Variants in GLI2 observed in about 807,000 individuals in gnomAD.
GLI2 encodes transcription activator GLI2.
A neutral mutation model predicts 78.9 loss-of-function variants in GLI2; 22 were observed. The ratio of observed to expected loss-of-function variants is 0.28; its 90% CI spans 0.20 to 0.40. GLI2 has a LOEUF of 0.40. GLI2 is among the 10% of genes least tolerant of loss of function. The pLI is 1.00. For synonymous variants in GLI2, 974 were observed against 963.7 expected, an observed-to-expected ratio of 1.01 and a Z score of -0.20; for missense variants, 2,097 against 2,213.2, an observed-to-expected ratio of 0.95 and a Z score of 1.05.
In GLI2 at chr2:120,983,006, A is replaced by G. The variant is rs578224196; in HGVS notation, c.1632+126A>G. ...GTCCCGCCCCCGCCACTGACCAGCT[A>G]TACATCCTCAGATACAGACCAGGAC... is the stretch of plus-strand genomic sequence containing the variant. On this transcript the variant is annotated intron_variant, in intron 11 of 13. Transcript: ENST00000361492. The G allele has an allele frequency of 1.5e-4, 121 of 810,942 alleles. No homozygotes were observed. In the African/African-American group the frequency reaches 2.0e-3, roughly 13 times the overall value. The allele number at this position is 810,942 out of a possible 1,614,324, so 50.2% of individuals were successfully genotyped here. A position where few individuals can be genotyped will look rare whatever the true frequency, so the allele number is the denominator to read the frequency against.
chr2:120,970,927 T>C (rs898606205), intron 7 of GLI2, among the ~76,000 whole-genome samples: 3 of 152,242 alleles, frequency 2.0e-5, no homozygotes, highest in Non-Finnish European at 4.4e-5. Context: ...TGAATCATTA[T>C]AAGACTGTGC....
chr2:120,852,126 C>G (rs1353573416), intron 2 of GLI2, among the ~76,000 whole-genome samples: 2 of 152,152 alleles, frequency 1.3e-5, no homozygotes, highest in African/African-American at 4.8e-5. Context: ...GTGGGGAAGG[C>G]CCTAAGGGAG....
intron 2 of GLI2, among the ~76,000 whole-genome samples, chr2:120,840,231 C>T (rs905411049): frequency 2.6e-5 from 4 of 152,156 alleles, no homozygotes; most frequent in Non-Finnish European, 4.4e-5. Flanking sequence ...TGCCTTTCCC[C>T]GCTTCTGTCC....
chr2:120,862,263 A>G (rs1331683750), intron 2 of GLI2, among the ~76,000 whole-genome samples: 2 of 152,206 alleles, frequency 1.3e-5, no homozygotes, highest in African/African-American at 4.8e-5. Context: ...GCCCAAAGGC[A>G]TTTGCTAAAT....
intron 2 of GLI2, among the ~76,000 whole-genome samples, chr2:120,846,223 G>A (rs891028918): frequency 6.6e-6 from 1 of 152,202 alleles, no homozygotes; most frequent in Non-Finnish European, 1.5e-5. Flanking sequence ...CTAGCTTGCT[G>A]GATGGAGCTA....
At chr2:120,787,963 C>T (rs536993783) in intron 1 of GLI2, among the ~76,000 whole-genome samples, 2 of 152,340 alleles carry the variant, frequency 1.3e-5, no homozygotes, top group Admixed American at 6.5e-5. Flanking sequence ...CTGGATGGGA[C>T]TGTCGTGTCA....
chr2:120,860,714 G>T (rs564502177), intron 2 of GLI2, among the ~76,000 whole-genome samples: 6 of 152,290 alleles, frequency 3.9e-5, no homozygotes, highest in African/African-American at 7.2e-5. Context: ...GAAGAGGCAG[G>T]GTTCCTTATG....
chr2:120,874,080 C>T (rs2104685994), intron 2 of GLI2, among the ~76,000 whole-genome samples: 1 of 152,244 alleles, frequency 6.6e-6, no homozygotes, highest in Admixed American at 6.5e-5. Context: ...CCTGCCTCCT[C>T]CTCACCCCAG....
At chr2:120,832,139 C>T (rs986266600) in intron 2 of GLI2, among the ~76,000 whole-genome samples, 1 of 152,182 alleles carries the variant, frequency 6.6e-6, no homozygotes, top group African/African-American at 2.4e-5. Flanking sequence ...CATCTGGTCC[C>T]ACAAGGAGTC....
intron 3 of GLI2, among the ~76,000 whole-genome samples, chr2:120,942,689 G>C (rs889923861): frequency 6.6e-6 from 1 of 152,198 alleles, no homozygotes; most frequent in Non-Finnish European, 1.5e-5. Flanking sequence ...TAACTGTTCA[G>C]AGACGGCACA....
intron 1 of GLI2, among the ~76,000 whole-genome samples, chr2:120,772,658 T>G (rs1186997538): frequency 2.0e-5 from 3 of 152,388 alleles, no homozygotes; most frequent in Admixed American, 2.0e-4. Flanking sequence ...AATGAATATC[T>G]TCTGCTGTGG....
At position 120,881,239 on chromosome 2, in the gene GLI2, C is replaced by T. The variant is rs578041328; in HGVS notation, c.149-46122C>T. ...CATAGTCAACACATCCCTGAAGTTC[C>T]CTACACCATGCCTAGAAGCACTGAG... On this transcript the variant is annotated intron_variant, in intron 2 of 13. Coordinates refer to ENST00000361492, the MANE Select transcript of GLI2 (RefSeq NM_001374353.1). Among the ~76,000 whole-genome samples, 7 of 152,364 alleles carry T rather than the reference C, an allele frequency of 4.6e-5. No individual in the cohort carries two copies. The South Asian group carries it at 1.4e-3, about 32-fold the overall frequency.
At chr2:120,754,401 G>C (rs959343879) in intron 1 of GLI2, among the ~76,000 whole-genome samples, 13 of 152,004 alleles carry the variant, frequency 8.6e-5, no homozygotes, top group Admixed American at 7.9e-4. Flanking sequence ...TCCATCATCC[G>C]CAGAAGTTTC....
chr2:120,966,466 T>C (rs931246438), intron 5 of GLI2, among the ~76,000 whole-genome samples: 2 of 152,134 alleles, frequency 1.3e-5, no homozygotes, highest in Non-Finnish European at 2.9e-5. Flanking sequence ...CTGCTGGCTG[T>C]CTACTCCCCT....
rs982986699 is a variant in GLI2, at chr2:120,991,090, G to C, written c.*415G>C. On this transcript the variant is annotated 3_prime_UTR_variant, in exon 14 of 14. Transcript: ENST00000361492. ...ATCTGAATGCTATACTGGATACTCTGCTCCGGAAAGATGAGCTTTTTATTC... is the reference window on the plus strand; with the variant it reads ...ATCTGAATGCTATACTGGATACTCTCCTCCGGAAAGATGAGCTTTTTATTC... The C allele has an allele frequency of 3.5e-5, 6 of 171,156 alleles. No individual in the cohort carries two copies. The highest frequency in any genetic ancestry group is 7.6e-5 in the Non-Finnish European group (6 of 79,452). 10.6% of individuals were successfully genotyped at this position (171,156 alleles called of 1,614,324 possible).
In GLI2 at chr2:120,955,424, G is replaced by A. The variant is rs202139687; in HGVS notation, c.637G>A (p.Val213Met). 8.9e-5 allele frequency: 143 copies of A among 1,599,372 alleles called. 1 individual carries two copies. In the East Asian group the frequency reaches 2.1e-3, roughly 24 times the overall value. ...CCATCTCCACGACTACCTCAACCCC[G>A]TGGACGGTGAGTGCTGGCCCCCAGG... is the stretch of plus-strand genomic sequence containing the variant. ...APHLHDYLNPVDVSRFSSPRV... is the reference protein window; with the variant it reads ...APHLHDYLNPMDVSRFSSPRV... Residue 213 changes from valine (V) to methionine (M), a missense_variant, in exon 5 of 14, where the codon GTG (valine) becomes ATG (methionine). Around this residue, in one of 5 missense-constraint regions of GLI2, gnomAD observed 578 missense variants for 612.0 expected, o/e 0.94. Coordinates refer to ENST00000361492, the MANE Select transcript of GLI2 (RefSeq NM_001374353.1).
At chr2:120,838,412 G>C (rs1686714581) in intron 2 of GLI2, among the ~76,000 whole-genome samples, 1 of 152,102 alleles carries the variant, frequency 6.6e-6, no homozygotes. Context: ...AAATTTTATA[G>C]ACATTTTATT....
At chr2:120,843,234 C>T (rs893165511) in intron 2 of GLI2, among the ~76,000 whole-genome samples, 4 of 152,212 alleles carry the variant, frequency 2.6e-5, no homozygotes, top group African/African-American at 9.7e-5. Flanking sequence ...ATTTAGTCCT[C>T]CCAACCCTGT....
chr2:120,917,058 T>A (rs1440150895), intron 2 of GLI2, among the ~76,000 whole-genome samples: 1 of 152,106 alleles, frequency 6.6e-6, no homozygotes, highest in East Asian at 1.9e-4. Context: ...AAGCCCAGAA[T>A]AAATGGCCAG....
Sources: gnomAD v4.1 joint callset for allele counts (sites outside exome capture counted in the v4.1 genomes callset) on GRCh38, gnomAD v4.1.1 for gene constraint, gnomAD v4.1.1 regional missense constraint, MANE v1.5 for transcripts, NCBI Gene and HGNC (gene_info 2026-07-23, HGNC 2026-07-21) for gene names.